WWOX: variants seen among roughly 807,000 people sequenced by gnomAD.
WWOX encodes the protein WW domain-containing oxidoreductase.
Under a neutral mutation model 46.2 loss-of-function variants are expected in WWOX, and 69 were observed. The ratio of observed to expected loss-of-function variants is 1.49; its 90% confidence interval spans 1.23 to 1.82. The LOEUF (loss-of-function observed/expected upper bound fraction) is 1.82, where lower values mean the gene tolerates loss of function less well. Ranked by LOEUF, WWOX falls within the 40% of genes most tolerant of loss-of-function variation. The probability of loss-of-function intolerance (pLI) is 0.00; values close to 1 mark genes in which losing one functional copy is unlikely to be tolerated. For missense variants in WWOX, 919 were observed against 542.6 expected (o/e 1.69, Z -6.89); for synonymous variants, 359 against 202.6 (o/e 1.77, Z -6.56).
intron 8 of WWOX, among the ~76,000 whole-genome samples, chr16:78,737,300 A>G (rs1042304628): frequency 1.2e-4 from 18 of 146,500 alleles, no homozygotes; most frequent in African/African-American, 4.4e-4. Context: ...ATATGTATAT[A>G]ATATATATAT....
chr16:78,995,645 A>G (rs1053469041), intron 8 of WWOX, among the ~76,000 whole-genome samples: 1 of 152,164 alleles, frequency 6.6e-6, no homozygotes, highest in Non-Finnish European at 1.5e-5. Context: ...TATGTGGTTG[A>G]TGGGGACAGC....
chr16:79,000,243 G>A (rs1302661324), intron 8 of WWOX, among the ~76,000 whole-genome samples: 1 of 152,152 alleles, frequency 6.6e-6, no homozygotes, highest in Non-Finnish European at 1.5e-5. Context: ...GCTTTGCCTG[G>A]CAAATTCTCC....
chr16:78,394,635 CAG>C (rs2151939827), intron 6 of WWOX, among the ~76,000 whole-genome samples: 1 of 152,270 alleles, frequency 6.6e-6, no homozygotes, highest in South Asian at 2.1e-4. Context: ...TGTAAGGGGC[CAG>C]AGAGTGAATA....
intron 8 of WWOX, among the ~76,000 whole-genome samples, chr16:78,586,450 A>G (rs1475407111): frequency 6.6e-6 from 1 of 152,066 alleles, no homozygotes; most frequent in East Asian, 1.9e-4. Context: ...TTCTACTTGA[A>G]TTCTATTTGT....
chr16:78,362,254 C>T (rs61006844), intron 5 of WWOX, among the ~76,000 whole-genome samples: 16,008 of 151,930 alleles, frequency 0.11, 1,251 homozygotes, highest in East Asian at 0.3. Context: ...GTCCGTCTTG[C>T]TTGTAGGAAG....
At chr16:78,119,534 G>T (rs2032984743) in intron 4 of WWOX, among the ~76,000 whole-genome samples, 1 of 152,088 alleles carries the variant, frequency 6.6e-6, no homozygotes, top group African/African-American at 2.4e-5. Context: ...CTAGATGTTT[G>T]TTGGAGCGCA....
chr16:78,257,778 A>T (rs1210432031), intron 5 of WWOX, among the ~76,000 whole-genome samples: 1 of 152,204 alleles, frequency 6.6e-6, no homozygotes, highest in African/African-American at 2.4e-5. Context: ...TGGAAAAGTG[A>T]TTTGATAACT....
chr16:78,343,818 C>G lies in WWOX; in HGVS notation c.517-43042C>G, dbSNP rs1251094954. Among the ~76,000 whole-genome samples the G allele has an allele frequency of 4.2e-5, 5 of 120,234 alleles. 2 individuals are homozygous for G. Among genetic ancestry groups the G allele is most frequent in the Non-Finnish European group, 9.9e-5 (5 of 50,352 alleles). 78.9% of individuals were successfully genotyped at this position (120,234 alleles called of 152,430 possible). A position where few individuals can be genotyped will look rare whatever the true frequency, so the allele number is the denominator to read the frequency against. ...CTCTCAGTTCTTTGTCATTCAGCTG[C>G]TTTAATATTAATATGACACCCGTTT... On this transcript the variant is annotated intron_variant, in intron 5 of 8. Coordinates refer to ENST00000566780, the MANE Select transcript of WWOX (RefSeq NM_016373.4).
intron 8 of WWOX, among the ~76,000 whole-genome samples, chr16:79,071,102 T>C (rs2048541913): frequency 6.6e-6 from 1 of 152,218 alleles, no homozygotes; most frequent in African/African-American, 2.4e-5. Context: ...TTCCCATTTA[T>C]TCCATAGACT....
intron 7 of WWOX, among the ~76,000 whole-genome samples, chr16:78,430,526 G>A (rs1031839449): frequency 1.3e-5 from 2 of 152,126 alleles, no homozygotes; most frequent in African/African-American, 4.8e-5. Context: ...AATACATCAT[G>A]TGCATTGCAA....
chr16:78,386,029 A>G (rs1168745516), intron 5 of WWOX, among the ~76,000 whole-genome samples: 1 of 152,188 alleles, frequency 6.6e-6, no homozygotes, highest in Non-Finnish European at 1.5e-5. Context: ...ATTGCTTCAA[A>G]TCCCGACCTC....
intron 8 of WWOX, among the ~76,000 whole-genome samples, chr16:78,589,880 A>T (rs765330613): frequency 6.6e-6 from 1 of 152,128 alleles, no homozygotes; most frequent in Non-Finnish European, 1.5e-5. Context: ...AAAAATGGAA[A>T]ACTCCAGGGG....
At chr16:79,157,744 C>T (rs777289789) in intron 8 of WWOX, among the ~76,000 whole-genome samples, 2 of 152,110 alleles carry the variant, frequency 1.3e-5, no homozygotes, top group Non-Finnish European at 2.9e-5. Context: ...AGGGGACATG[C>T]TATGTCAGAG....
intron 6 of WWOX, among the ~76,000 whole-genome samples, chr16:78,400,474 G>C (rs1481851822): frequency 6.6e-6 from 1 of 152,188 alleles, no homozygotes. Context: ...TAATGTAATT[G>C]TTCTGCATTG....
At chr16:78,222,528 C>T (rs557073424) in intron 5 of WWOX, among the ~76,000 whole-genome samples, 1 of 152,256 alleles carries the variant, frequency 6.6e-6, no homozygotes, top group South Asian at 2.1e-4. Flanking sequence ...ACATATTTTG[C>T]AGCCGAGACA....
At chr16:79,074,442 T>TG (rs2041246639) in intron 8 of WWOX, among the ~76,000 whole-genome samples, 1 of 116,306 alleles carries the variant, frequency 8.6e-6, no homozygotes, top group East Asian at 2.4e-4. Flanking sequence ...TTTTTTTTTT[T>TG]GGTCATATTT....
intron 8 of WWOX, among the ~76,000 whole-genome samples, chr16:78,777,247 A>G (rs1403378215): frequency 1.3e-5 from 2 of 151,922 alleles, no homozygotes; most frequent in Non-Finnish European, 2.9e-5. Context: ...AGACAGTGAC[A>G]TTTCCTCTGT....
intron 8 of WWOX, among the ~76,000 whole-genome samples, chr16:78,866,989 G>T (rs2044017847): frequency 6.6e-6 from 1 of 152,206 alleles, no homozygotes; most frequent in Non-Finnish European, 1.5e-5. Flanking sequence ...TCAAATTTGT[G>T]ATTTGTCATA....
At chr16:78,950,533 T>TACACACACACACACACACACACAC (rs141591649) in intron 8 of WWOX, among the ~76,000 whole-genome samples, 1 of 146,960 alleles carries the variant, frequency 6.8e-6, no homozygotes, top group Non-Finnish European at 1.5e-5. Flanking sequence ...CACACACACA[T>TACACACACACACACACACACACAC]ACACACACAC....
Sources: gnomAD v4.1 joint callset for allele counts (sites outside exome capture counted in the v4.1 genomes callset) on GRCh38, gnomAD v4.1.1 for gene constraint, MANE v1.5 for transcripts, NCBI Gene and HGNC (gene_info 2026-07-23, HGNC 2026-07-21) for gene names.